Variants in PHTF2 observed in about 807,000 individuals in gnomAD.
PHTF2 encodes the protein protein PHTF2.
In PHTF2, 60 loss-of-function variants were observed where a neutral mutation model predicts 101.2. That is an observed-to-expected ratio of 0.59 (90% CI 0.48 to 0.73). The LOEUF is 0.73. Among genes scored for constraint, PHTF2 ranks in the 30% least tolerant of loss-of-function variants. PHTF2 has a pLI of 0.00. For synonymous variants in PHTF2, 311 were observed against 307.3 expected (o/e 1.01, Z -0.13); for missense variants, 747 against 908.7 (o/e 0.82, Z 2.29).
chr7:77,831,750 A>G (rs538945126), intron 1 of PHTF2, among the ~76,000 whole-genome samples: 3 of 152,314 alleles, frequency 2.0e-5, no homozygotes, highest in East Asian at 1.9e-4. Flanking sequence ...TGGTTTCACT[A>G]CTTGGGTCAA....
chr7:77,934,967 A>G (rs1317593342), intron 12 of PHTF2, among the ~76,000 whole-genome samples: 2 of 152,028 alleles, frequency 1.3e-5, no homozygotes, highest in Non-Finnish European at 1.5e-5. Flanking sequence ...AAAAAAGAAA[A>G]AAGAAAATGT....
At position 77,877,260 on chromosome 7, in the gene PHTF2, C is replaced by G. The variant is rs1799028714; in HGVS notation, c.148-16348C>G. ...CCTCCTGAGTTGCTGCACGTGCCAC[C>G]ATGCCTGGCTAATTTTTGTATTTTC... is the stretch of plus-strand genomic sequence containing the variant. On this transcript the variant is annotated intron_variant, in intron 3 of 19. Transcript: ENST00000416283. 2.0e-5 allele frequency among the ~76,000 whole-genome samples: 3 copies of G among 152,042 alleles called. 1 individual carries two copies. In the South Asian group the frequency reaches 6.2e-4, roughly 32 times the overall value.
chr7:77,877,745 T>C (rs965285963), intron 3 of PHTF2, among the ~76,000 whole-genome samples: 3 of 152,138 alleles, frequency 2.0e-5, no homozygotes, highest in Admixed American at 2.0e-4. Flanking sequence ...AGCTAAGACA[T>C]GGGAAGGAAA....
chr7:77,947,826 C>CTTTCTTTTTTTTTTTTTTTTTTTTT (rs1562976127), intron 16 of PHTF2, among the ~76,000 whole-genome samples: 7 of 86,934 alleles, frequency 8.1e-5, no homozygotes, highest in African/African-American at 2.8e-4. Context: ...TTTCTTTTTT[C>CTTTCTTTTTTTTTTTTTTTTTTTTT]TTTTTTCTTT....
intron 1 of PHTF2, among the ~76,000 whole-genome samples, chr7:77,803,703 G>A (rs1245684149): frequency 6.7e-6 from 1 of 148,270 alleles, no homozygotes; most frequent in Non-Finnish European, 1.5e-5. Context: ...GTGTGTGTGT[G>A]TGTGTGTGTG....
chr7:77,894,452 A>G (rs10270542), intron 5 of PHTF2, among the ~76,000 whole-genome samples: 64,704 of 152,016 alleles, frequency 0.43, 14,186 homozygotes, highest in African/African-American at 0.51. Flanking sequence ...ACCAGTGTCT[A>G]TAGTTACTAA....
chr7:77,852,565 TGTTA>T (rs1350908554), intron 2 of PHTF2, among the ~76,000 whole-genome samples: 5 of 152,218 alleles, frequency 3.3e-5, no homozygotes, highest in Non-Finnish European at 5.9e-5. Context: ...TTGTTGTAGT[TGTTA>T]GTTTTAATAC....
At chr7:77,877,683 G>A (rs1799062274) in intron 3 of PHTF2, among the ~76,000 whole-genome samples, 1 of 152,168 alleles carries the variant, frequency 6.6e-6, no homozygotes, top group African/African-American at 2.4e-5. Flanking sequence ...AAACCACCAT[G>A]GTGTTCTGCT....
Position 77,896,390 on chromosome 7 carries a change from T to A in PHTF2, c.216+2397T>A, listed in dbSNP as rs1002726534. On this transcript the variant is annotated intron_variant, in intron 5 of 19. Coordinates refer to ENST00000416283, the Ensembl canonical transcript of PHTF2. ...GGGCAACAAAGTGAGACACTATCTC[T>A]AAAAAAAAAATTATTTTTCTTAATT... 6.0e-5 allele frequency among the ~76,000 whole-genome samples: 9 copies of A among 149,872 alleles called. No individual in the cohort carries two copies. The East Asian group carries it at 1.7e-3, about 29-fold the overall frequency.
intron 1 of PHTF2, among the ~76,000 whole-genome samples, chr7:77,833,732 A>G (rs1315956151): frequency 1.3e-5 from 2 of 152,218 alleles, no homozygotes; most frequent in Non-Finnish European, 2.9e-5. Flanking sequence ...AAGCTAAGGC[A>G]GGACAGTCAC....
Position 77,912,891 on chromosome 7 carries a change from C to T in PHTF2, c.776+2482C>T, listed in dbSNP as rs1186609715. 3.3e-5 allele frequency among the ~76,000 whole-genome samples: 5 copies of T among 151,486 alleles called. No individual in the cohort carries two copies. In the South Asian group the frequency reaches 6.2e-4, roughly 19 times the overall value. ...GGGACTATAGGCATTTGCCACCATG[C>T]CCAGCTAAGAGAACCACTATTTTAA... On this transcript the variant is annotated intron_variant, in intron 9 of 19. Transcript: ENST00000416283.
chr7:77,946,859 T>C (rs1336468465), intron 16 of PHTF2, among the ~76,000 whole-genome samples: 2 of 151,536 alleles, frequency 1.3e-5, no homozygotes, highest in East Asian at 1.9e-4. Context: ...CAGTGACTCA[T>C]GGTTATAATC....
intron 1 of PHTF2, among the ~76,000 whole-genome samples, chr7:77,828,419 G>A (rs571886834): frequency 2.0e-5 from 3 of 152,266 alleles, no homozygotes; most frequent in African/African-American, 7.2e-5. Context: ...TGAAGTTAAG[G>A]AACCCTGAAA....
intron 9 of PHTF2, among the ~76,000 whole-genome samples, chr7:77,919,813 A>G (rs1416110884): frequency 6.6e-6 from 1 of 151,968 alleles, no homozygotes; most frequent in Non-Finnish European, 1.5e-5. Context: ...ATATCTTTTT[A>G]TGTTGCAAAA....
At chr7:77,807,773 C>T (rs1793112360) in intron 1 of PHTF2, among the ~76,000 whole-genome samples, 1 of 152,160 alleles carries the variant, frequency 6.6e-6, no homozygotes, top group Non-Finnish European at 1.5e-5. Context: ...AAATAATTGC[C>T]AAGTCAGATG....
rs1478007456 is a variant in PHTF2, at chr7:77,802,004, T to C, written c.-36+3033T>C. Reference sequence around the variant, plus strand: ...GTACGGGCACATAGAAAGCAGTGAATACAAAAGAAACAATAAATAATTTTA... The same window carrying C: ...GTACGGGCACATAGAAAGCAGTGAACACAAAAGAAACAATAAATAATTTTA... On this transcript the variant is annotated intron_variant, in intron 1 of 19. Coordinates refer to ENST00000416283, the Ensembl canonical transcript of PHTF2. Among the ~76,000 whole-genome samples, 14 of 152,298 alleles carry C rather than the reference T, an allele frequency of 9.2e-5. No homozygotes were observed. The East Asian group carries it at 1.5e-3, about 17-fold the overall frequency.
chr7:77,872,759 A>C (rs1798622492), intron 3 of PHTF2, among the ~76,000 whole-genome samples: 1 of 152,142 alleles, frequency 6.6e-6, no homozygotes, highest in South Asian at 2.1e-4. Flanking sequence ...GGACCCTTCT[A>C]GCTGGGGAGG....
chr7:77,880,492 C>T (rs1447107701), intron 3 of PHTF2, among the ~76,000 whole-genome samples: 1 of 152,098 alleles, frequency 6.6e-6, no homozygotes, highest in Non-Finnish European at 1.5e-5. Flanking sequence ...CACCTCACAC[C>T]AAGATGTCTT....
intron 1 of PHTF2, among the ~76,000 whole-genome samples, chr7:77,825,722 A>G (rs142456314): frequency 6.9e-4 from 105 of 152,322 alleles, no homozygotes; most frequent in African/African-American, 2.3e-3. Context: ...AATGGCCCCA[A>G]CTAAGATGAG....
Sources: gnomAD v4.1 joint callset for allele counts (sites outside exome capture counted in the v4.1 genomes callset) on GRCh38, gnomAD v4.1.1 for gene constraint, MANE v1.5 for transcripts, NCBI Gene and HGNC (gene_info 2026-07-23, HGNC 2026-07-21) for gene names.